The following SHTN1 variants were observed in gnomAD, a reference collection of about 807,000 sequenced individuals.
SHTN1 encodes the protein shootin 1.
Under a neutral mutation model 83.1 loss-of-function variants are expected in SHTN1, and 42 were observed. The observed-to-expected ratio is 0.51, with a 90% CI of 0.39 to 0.65. The LOEUF (loss-of-function observed/expected upper bound fraction) is 0.65. Ranked by LOEUF, SHTN1 falls within the 30% of genes least tolerant of loss-of-function variation. The pLI, the probability that SHTN1 is intolerant of heterozygous loss-of-function variation, is 0.00. For missense variants in SHTN1, 622 were observed against 737.8 expected (o/e 0.84, Z 1.82); for synonymous variants, 224 against 247.7 (o/e 0.90, Z 0.90).
rs190097959 is a variant in SHTN1 at position 116,914,538 on chromosome 10, G to A, written c.1305+837C>T. ...TACTGAAGTCATAACACTGGGGGAC[G>A]TTCACACGGTTGAGGTAGGGCAGCC... On this transcript the variant is annotated intron_variant, in intron 13 of 16. Transcript: ENST00000355371. Among the ~76,000 whole-genome samples the A allele has an allele frequency of 3.6e-3, 538 of 150,028 alleles. 7 individuals carry two copies. The highest frequency in any genetic ancestry group is 0.013 in the African/African-American group (512 of 39,566).
At position 116,949,246 on chromosome 10, in the gene SHTN1, A is replaced by G. The variant is rs183142994; in HGVS notation, c.535-249T>C. The stretch of plus-strand genomic sequence containing the variant: ...TTCCAGTTGGCACTGGCACCTAAAC[A>G]TAACAGTATGCTAGCCATCCAATGT... On this transcript the variant is annotated intron_variant, in intron 6 of 16. Transcript: ENST00000355371. Among the ~76,000 whole-genome samples, 10 of 152,302 alleles carry G rather than the reference A, an allele frequency of 6.6e-5. No individual in the cohort carries two copies. In the South Asian group the frequency reaches 1.9e-3, roughly 28 times the overall value.
At chr10:117,081,294 A>G (rs1194894570) in intron 1 of SHTN1, among the ~76,000 whole-genome samples, 2 of 151,242 alleles carry the variant, frequency 1.3e-5, no homozygotes, top group Non-Finnish European at 2.9e-5. Context: ...TGAGATAATC[A>G]TGTGGTTTTT....
At chr10:117,009,325 A>C (rs1852067325), upstream of SHTN1, among the ~76,000 whole-genome samples, 2 of 152,174 alleles carry the variant, frequency 1.3e-5, no homozygotes, top group Non-Finnish European at 2.9e-5. Context: ...TATTAACTGT[A>C]ACTTTAAATG....
intron 2 of SHTN1, among the ~76,000 whole-genome samples, chr10:117,017,854 A>T (rs772189782): frequency 6.6e-6 from 1 of 152,208 alleles, no homozygotes; most frequent in Non-Finnish European, 1.5e-5. Flanking sequence ...ACTTACATTG[A>T]TATGACGCAA....
rs563794545 is a variant in SHTN1, at chr10:116,889,815, G to A, written c.1674-3249C>T. ...TCCATCTTCCAGATCTGTAAATAAA[G>A]TCTATCCCTTCAAGCTATCCCTTAG... On this transcript the variant is annotated intron_variant, in intron 16 of 16. Transcript: ENST00000355371. 9.3e-4 allele frequency among the ~76,000 whole-genome samples: 142 copies of A among 152,256 alleles called. 2 individuals are homozygous for A. Among genetic ancestry groups the A allele is most frequent in the Admixed American group, 2.0e-4 (3 of 15,292 alleles).
chr10:117,033,930 C>T (rs188121757), intron 2 of SHTN1, among the ~76,000 whole-genome samples: 3 of 150,276 alleles, frequency 2.0e-5, no homozygotes, highest in Non-Finnish European at 3.0e-5. Flanking sequence ...AAAAACCATA[C>T]GATCATTTCA....
At chr10:117,094,818 C>T (rs770282576) in intron 1 of SHTN1, among the ~76,000 whole-genome samples, 1 of 152,192 alleles carries the variant, frequency 6.6e-6, no homozygotes, top group Non-Finnish European at 1.5e-5. Flanking sequence ...TCCAAGGTAG[C>T]TTCAGTTTCC....
At chr10:116,939,824 T>C (rs746871354) in intron 9 of SHTN1, among the ~76,000 whole-genome samples, 112 of 152,354 alleles carry the variant, frequency 7.4e-4, no homozygotes, top group Middle Eastern at 6.8e-3. Flanking sequence ...TAATTTTTCT[T>C]AAGTGGTCTC....
At chr10:117,086,130 G>A (rs1385104052) in intron 1 of SHTN1, among the ~76,000 whole-genome samples, 4 of 152,132 alleles carry the variant, frequency 2.6e-5, no homozygotes, top group Non-Finnish European at 4.4e-5. Context: ...ATGTTAGCTA[G>A]GATGGTCTGT....
intron 16 of SHTN1, among the ~76,000 whole-genome samples, chr10:116,888,788 G>A (rs1394032663): frequency 6.6e-6 from 1 of 152,126 alleles, no homozygotes; most frequent in Non-Finnish European, 1.5e-5. Context: ...ACCTTCCGAG[G>A]GTTAAAAAAA....
intron 1 of SHTN1, among the ~76,000 whole-genome samples, chr10:117,062,912 A>G (rs1852923940): frequency 6.6e-6 from 1 of 152,182 alleles, no homozygotes; most frequent in South Asian, 2.1e-4. Context: ...ATGGCAAGGC[A>G]TAGGTAATTA....
intron 1 of SHTN1, among the ~76,000 whole-genome samples, chr10:117,114,516 G>A (rs1452468592): frequency 6.6e-6 from 1 of 152,172 alleles, no homozygotes; most frequent in Non-Finnish European, 1.5e-5. Flanking sequence ...CTCTGCTGGT[G>A]TAGAAAGCAT....
chr10:117,108,569 AG>A (rs1464648625), intron 1 of SHTN1, among the ~76,000 whole-genome samples: 2 of 69,040 alleles, frequency 2.9e-5, no homozygotes, highest in African/African-American at 6.0e-5. Flanking sequence ...GGGTGGGGGG[AG>A]GGGGGAGGGA....
At chr10:117,033,506 A>G (rs565826640) in intron 2 of SHTN1, among the ~76,000 whole-genome samples, 2 of 152,246 alleles carry the variant, frequency 1.3e-5, no homozygotes, top group South Asian at 4.1e-4. Context: ...TGAACAGACC[A>G]AATAACAAGT....
At position 117,034,244 on chromosome 10, in the gene SHTN1, G is replaced by A. The variant is rs1188989976; in HGVS notation, c.-123+14201C>T. 6.6e-5 allele frequency among the ~76,000 whole-genome samples: 10 copies of A among 152,194 alleles called. 1 individual carries two copies. The highest frequency in any genetic ancestry group is 6.5e-4 in the Admixed American group (10 of 15,280). On this transcript the variant is annotated intron_variant, in intron 2 of 17. Coordinates refer to the SHTN1 transcript ENST00000392901. ...AAACTGGAAAGGAAGAAGTCAAATT[G>A]TCCTTGTTTGCAGATGCTGTAATCT...
In SHTN1 at chr10:116,938,172, G is replaced by A. The variant is rs185476971; in HGVS notation, c.858+2294C>T. Among the ~76,000 whole-genome samples the A allele has an allele frequency of 1.0e-3, 156 of 151,996 alleles. 2 individuals are homozygous for A. Among genetic ancestry groups the A allele is most frequent in the Non-Finnish European group, 6.2e-4 (42 of 67,994 alleles). ...TTCTGAAGCCTACTTCTGTCAATTT[G>A]TCAAACTCATTCTTTGTCCAGTTTT... On this transcript the variant is annotated intron_variant, in intron 9 of 16. Transcript: ENST00000355371.
At chr10:117,104,671 G>T (rs969145643) in intron 1 of SHTN1, among the ~76,000 whole-genome samples, 2 of 152,144 alleles carry the variant, frequency 1.3e-5, no homozygotes, top group East Asian at 3.9e-4. Flanking sequence ...CTACTCAGGA[G>T]GCTGAGGCAG....
chr10:116,988,157 T>G (rs1203691724), intron 1 of SHTN1, among the ~76,000 whole-genome samples: 24 of 152,148 alleles, frequency 1.6e-4, no homozygotes, highest in Admixed American at 1.6e-3. Flanking sequence ...TTCTAACAAA[T>G]GTACCACATT....
At chr10:117,094,388 TC>T (rs1853477689) in intron 1 of SHTN1, among the ~76,000 whole-genome samples, 1 of 152,188 alleles carries the variant, frequency 6.6e-6, no homozygotes, top group African/African-American at 2.4e-5. Context: ...TGTCAGTTCT[TC>T]CTAGGGTTTC....
Sources: gnomAD v4.1 joint callset for allele counts (sites outside exome capture counted in the v4.1 genomes callset) on GRCh38, gnomAD v4.1.1 for gene constraint, MANE v1.5 for transcripts, NCBI Gene and HGNC (gene_info 2026-07-23, HGNC 2026-07-21) for gene names.